Variants in NAV1 observed in about 807,000 individuals in gnomAD.
NAV1 encodes neuron navigator 1.
NAV1 carries 18 observed loss-of-function variants against 175.2 expected under a neutral mutation model. The ratio of observed to expected loss-of-function variants is 0.10; its 90% CI spans 0.07 to 0.15. NAV1 has a LOEUF of 0.15. Among genes scored for constraint, NAV1 ranks in the 10% least tolerant of loss-of-function variants. The pLI is 1.00. For missense variants in NAV1, 1,731 were observed against 2,436.6 expected (o/e 0.71, Z 6.10); for synonymous variants, 897 against 978.7 (o/e 0.92, Z 1.56).
intron 3 of NAV1, among the ~76,000 whole-genome samples, chr1:201,732,583 A>G (rs750598316): frequency 1.3e-5 from 2 of 152,246 alleles, no homozygotes; most frequent in Admixed American, 1.3e-4. Flanking sequence ...CTGGTCTGGT[A>G]TAATTTTCAG....
chr1:201,758,080 T>C (rs556429478), intron 3 of NAV1, among the ~76,000 whole-genome samples: 8 of 152,340 alleles, frequency 5.3e-5, no homozygotes, highest in African/African-American at 1.9e-4. Context: ...GGATTGATGT[T>C]TTGGATTCTT....
rs1485163493 is a variant in NAV1, at chr1:201,812,401, G to A, written c.5025-64G>A. On this transcript the variant is annotated intron_variant, in intron 26 of 29. Transcript: ENST00000367296. The surrounding 1 kb of genome is among the most constrained non-coding windows in gnomAD (Gnocchi z 4.6). ...GGCAGAAGGAGGGACAGACTGGCAGGGGCTGAACCCTGACAATGTCCCCAT... is the reference window on the plus strand; with the variant it reads ...GGCAGAAGGAGGGACAGACTGGCAGAGGCTGAACCCTGACAATGTCCCCAT... The A allele has an allele frequency of 2.1e-5, 32 of 1,519,760 alleles. No homozygotes were observed. Among genetic ancestry groups the A allele is most frequent in the Non-Finnish European group, 2.8e-5 (31 of 1,102,772 alleles). 94.1% of individuals were successfully genotyped at this position (1,519,760 alleles called of 1,614,324 possible).
intron 1 of NAV1, among the ~76,000 whole-genome samples, chr1:201,574,744 T>G (rs1666644686): frequency 1.3e-5 from 2 of 152,178 alleles, no homozygotes; most frequent in South Asian, 4.1e-4. Context: ...CCATTGCGCC[T>G]CCTACCACCA....
chr1:201,667,553 T>G (rs1669875348), intron 1 of NAV1, among the ~76,000 whole-genome samples: 1 of 152,198 alleles, frequency 6.6e-6, no homozygotes, highest in Admixed American at 6.5e-5. Flanking sequence ...CATCTATTCC[T>G]ATCCTGTGAT....
intron 1 of NAV1, among the ~76,000 whole-genome samples, chr1:201,566,824 T>G (rs1666367278): frequency 6.6e-6 from 1 of 152,134 alleles, no homozygotes; most frequent in South Asian, 2.1e-4. Flanking sequence ...GGCAGGTTTG[T>G]CTACCTGAGA....
chr1:201,715,738 G>C (rs558263285), intron 2 of NAV1, among the ~76,000 whole-genome samples: 1 of 152,308 alleles, frequency 6.6e-6, no homozygotes, highest in Admixed American at 6.5e-5. Flanking sequence ...CTGCAAGGCT[G>C]TTTTCACCCA....
At chr1:201,571,041 C>T (rs1666527642) in intron 1 of NAV1, among the ~76,000 whole-genome samples, 1 of 152,224 alleles carries the variant, frequency 6.6e-6, no homozygotes, top group African/African-American at 2.4e-5. Flanking sequence ...TGCTTTTGTC[C>T]CTGCCAAGGG....
At position 201,787,393 on chromosome 1, in the gene NAV1, G is replaced by A. The variant is rs1437132545; in HGVS notation, c.2995+816G>A. On this transcript the variant is annotated intron_variant, in intron 9 of 29. Transcript: ENST00000367296. This position sits in a 1 kb window ranked among gnomAD's most constrained non-coding sequence, Gnocchi z 4.3. ...AGACAAGGACCTGTAACACACCCAT[G>A]CAGTGACTGTGGGGAATTTGAGGAA... 6.6e-6 allele frequency among the ~76,000 whole-genome samples: 1 copy of A among 152,210 alleles called. No homozygotes were observed. The highest frequency in any genetic ancestry group is 1.5e-5 in the Non-Finnish European group (1 of 68,040).
At chr1:201,614,196 C>G (rs960325231) in intron 2 of NAV1, among the ~76,000 whole-genome samples, 4 of 152,174 alleles carry the variant, frequency 2.6e-5, no homozygotes, top group Non-Finnish European at 5.9e-5. Context: ...TCCTTGTCCT[C>G]TTTCTTTCTT....
intron 3 of NAV1, among the ~76,000 whole-genome samples, chr1:201,738,335 C>G (rs932693184): frequency 6.6e-6 from 1 of 152,214 alleles, no homozygotes; most frequent in Non-Finnish European, 1.5e-5. Flanking sequence ...ACCTCAGAAA[C>G]AAAGACCCTT....
At chr1:201,630,966 TC>T (rs1364743461) in intron 2 of NAV1, among the ~76,000 whole-genome samples, 1 of 152,224 alleles carries the variant, frequency 6.6e-6, no homozygotes, top group African/African-American at 2.4e-5. Flanking sequence ...ACTTTTAACG[TC>T]TGTTGCAGAC....
At chr1:201,572,283 T>C (rs1483479405) in intron 1 of NAV1, among the ~76,000 whole-genome samples, 2 of 152,096 alleles carry the variant, frequency 1.3e-5, no homozygotes, top group Non-Finnish European at 2.9e-5. Context: ...GCTTCCATAG[T>C]TCCCTGAGAG....
At chr1:201,616,050 T>C (rs1234136456) in intron 2 of NAV1, among the ~76,000 whole-genome samples, 1 of 130,124 alleles carries the variant, frequency 7.7e-6, no homozygotes, top group African/African-American at 3.9e-5. Flanking sequence ...ACAGAAATAC[T>C]TGTTGGTCCT....
chr1:201,713,007 C>A, intron 2 of NAV1, 88 bp downstream of exon 6: 3 of 927,122 alleles, frequency 3.2e-6, no homozygotes, highest in Non-Finnish European at 5.3e-6. Context: ...GGTCCCTCCA[C>A]ACCTCTGCCA....
At chr1:201,823,282 T>C (rs1427864977) in exon 30 of NAV1, 1 of 152,630 alleles carries the variant, frequency 6.6e-6, no homozygotes, top group Non-Finnish European at 1.5e-5. Flanking sequence ...TTTTGTCCAA[T>C]GTATTTGTTT....
chr1:201,755,875 G>T (rs891687124), intron 3 of NAV1, among the ~76,000 whole-genome samples: 2 of 152,172 alleles, frequency 1.3e-5, no homozygotes, highest in Non-Finnish European at 2.9e-5. Context: ...GGGAGGCTAA[G>T]GTGGGTGGAT....
chr1:201,602,041 C>T (rs1008543889), intron 2 of NAV1, among the ~76,000 whole-genome samples: 71 of 152,244 alleles, frequency 4.7e-4, no homozygotes, highest in African/African-American at 1.6e-3. Context: ...CCCACCCTTC[C>T]ACTGACCCAC....
At chr1:201,690,016 C>T (rs529772346) in intron 1 of NAV1, among the ~76,000 whole-genome samples, 46 of 142,868 alleles carry the variant, frequency 3.2e-4, no homozygotes, top group African/African-American at 1.2e-3. Context: ...TGTCTGTTTC[C>T]TCTGTGGCCT....
chr1:201,544,332 TC>T (rs1200073204), intron 1 of NAV1, among the ~76,000 whole-genome samples: 30 of 152,300 alleles, frequency 2.0e-4, no homozygotes, highest in African/African-American at 7.2e-4. Flanking sequence ...CGCAATTCCC[TC>T]CCCATCTGGT....
Sources: gnomAD v4.1 joint callset for allele counts (sites outside exome capture counted in the v4.1 genomes callset) on GRCh38, gnomAD v4.1.1 for gene constraint, Gnocchi (gnomAD v3.1) non-coding constraint, MANE v1.5 for transcripts, NCBI Gene and HGNC (gene_info 2026-07-23, HGNC 2026-07-21) for gene names.